The following IK variants were observed in gnomAD, a reference collection of about 807,000 sequenced individuals.
IK encodes the protein IK cytokine, also known as protein Red.
A neutral mutation model predicts 90.9 loss-of-function variants in IK; 47 were observed. The observed-to-expected ratio is 0.52, with a 90% CI of 0.41 to 0.66. The LOEUF (loss-of-function observed/expected upper bound fraction) is 0.66. Among genes scored for constraint, IK ranks in the 30% least tolerant of loss-of-function variants. The pLI is 0.00. For missense variants in IK, 385 were observed against 709.3 expected, an observed-to-expected ratio of 0.54 and a Z score of 5.19; for synonymous variants, 201 against 227.5, an observed-to-expected ratio of 0.88 and a Z score of 1.05.
At chr5:140,658,708 T>C (rs1275262938) in intron 10 of IK, 29 bp from the exon 11 acceptor site, 1 of 1,565,986 alleles carries the variant, frequency 6.4e-7, no homozygotes, top group Non-Finnish European at 8.7e-7. Flanking sequence ...CTGAGGAGTA[T>C]GTTCCTGACT....
Position 140,647,924 on chromosome 5 carries a change from A to G in IK, c.16A>G (p.Ser6Gly), listed in dbSNP as rs905111941. 4.3e-6 allele frequency: 7 copies of G among 1,613,968 alleles called. No homozygotes were observed. In the East Asian group the frequency reaches 1.6e-4, roughly 36 times the overall value. The change falls in exon 1 of 20, where the codon AGT becomes GGT. Residue 6 changes from serine to glycine, a missense_variant and splice_region_variant. Ser to Gly is a moderately conservative substitution (Grantham distance 56, BLOSUM62 0). Coordinates refer to ENST00000417647, the MANE Select transcript of IK (RefSeq NM_006083.4). MPERD[S>G]EPFSNPLAPD... is the part of the protein sequence containing the mutation. ...CGATAACAAAATGCCGGAGCGAGAT[A>G]GTAAGGCTCAGGCCATCCGTTATTT...
At chr5:140,648,381 T>G in intron 1 of IK, 90 bp from the exon 2 acceptor site, 1 of 1,121,158 alleles carries the variant, frequency 8.9e-7, no homozygotes, top group Non-Finnish European at 1.4e-6. Context: ...CTAACTTTTG[T>G]TCTGTATTGT....
At chr5:140,658,636 A>G (rs1757748639) in intron 10 of IK, 101 bp from the exon 11 acceptor site, 2 of 1,025,150 alleles carry the variant, frequency 2.0e-6, no homozygotes, top group African/African-American at 1.6e-5. Context: ...CACGTTTTAA[A>G]CAGAAGATGT....
At chr5:140,657,795 G>A (rs1278602893) in intron 10 of IK, 133 bp downstream of exon 10, 1 of 616,918 alleles carries the variant, frequency 1.6e-6, no homozygotes, top group Non-Finnish European at 2.9e-6. Flanking sequence ...GAGTACTGGA[G>A]CATTGGCAAG....
At chr5:140,649,958 G>C (rs1054054526) in intron 2 of IK, among the ~76,000 whole-genome samples, 4 of 152,120 alleles carry the variant, frequency 2.6e-5, no homozygotes, top group African/African-American at 9.7e-5. Context: ...TTTGCAACTT[G>C]CTTCTTTTTA....
At chr5:140,660,940 T>G in intron 16 of IK, 125 bp downstream of exon 16, 1 of 690,846 alleles carries the variant, frequency 1.4e-6, no homozygotes, top group Admixed American at 2.3e-5. Context: ...GCTGCAGCAG[T>G]AGAAACAGCA....
At chr5:140,650,828 G>A (rs7707326) in intron 2 of IK, among the ~76,000 whole-genome samples, 5 of 152,064 alleles carry the variant, frequency 3.3e-5, no homozygotes, top group Non-Finnish European at 2.9e-5. Context: ...ATCCGCCTGC[G>A]TCAGCCTCCC....
chr5:140,655,614 A>T (rs1252517535), intron 8 of IK, among the ~76,000 whole-genome samples: 1 of 152,260 alleles, frequency 6.6e-6, no homozygotes, highest in Non-Finnish European at 1.5e-5. Context: ...TCCATTACTT[A>T]GTAGATACAT....
chr5:140,657,210 A>G (rs936468463), intron 9 of IK, among the ~76,000 whole-genome samples: 2 of 152,226 alleles, frequency 1.3e-5, no homozygotes, highest in African/African-American at 2.4e-5. Context: ...CTCCAAATAA[A>G]TAAATAAAAT....
At chr5:140,660,378 A>C in intron 15 of IK, 183 bp downstream of exon 15, 1 of 547,212 alleles carries the variant, frequency 1.8e-6, no homozygotes, top group Admixed American at 3.4e-5. Context: ...GCTCGCTGCA[A>C]TCTCCATCTC....
Position 140,661,676 on chromosome 5 carries a change from C to G in IK, c.1470C>G (p.Ser490Arg). ...ACTTTGATACCCAGGAAGAATACAG[C>G]GAGTATATGAACAACAAAGAAGCTT... ...RWDFDTQEEY[S>R]EYMNNKEALP... Residue 490 changes from serine (S) to arginine (R), a missense_variant, in exon 17 of 20, where the codon AGC (serine) becomes AGG (arginine). Ser to Arg is a moderately radical substitution (Grantham distance 110). This residue lies in a region of IK where 23 missense variants were observed against 115.2 expected (regional missense o/e 0.20). Coordinates refer to ENST00000417647, the MANE Select transcript of IK (RefSeq NM_006083.4). The surrounding 1 kb of genome is among the most constrained non-coding windows in gnomAD (Gnocchi z 4.2). The G allele has an allele frequency of 6.2e-7, 1 of 1,609,830 alleles. No individual in the cohort carries two copies. Among genetic ancestry groups the G allele is most frequent in the Non-Finnish European group, 8.5e-7 (1 of 1,178,044 alleles).
At chr5:140,654,444 T>TAA in intron 6 of IK, 72 bp from the exon 7 acceptor site, 6 of 1,131,230 alleles carry the variant, frequency 5.3e-6, no homozygotes, top group Non-Finnish European at 7.8e-6. Flanking sequence ...TAGTTCCTGG[T>TAA]ACAGTGTGGT....
chr5:140,656,030 C>T (rs1433821391), intron 9 of IK, 38 bp downstream of exon 9: 2 of 1,545,776 alleles, frequency 1.3e-6, no homozygotes, highest in Non-Finnish European at 1.7e-6. Context: ...TCATGTGAGC[C>T]TCAAGCCTGG....
Position 140,661,354 on chromosome 5 carries a change from C to T in IK, c.1414-266C>T, listed in dbSNP as rs1242760292. The stretch of plus-strand genomic sequence containing the variant: ...TGCCAAGTTCTTTCACTGTTTATGC[C>T]TCAGTTTCCTCATCAGGAAAATGGA... On this transcript the variant is annotated intron_variant, in intron 16 of 19. Transcript: ENST00000417647. This position sits in a 1 kb window ranked among gnomAD's most constrained non-coding sequence, Gnocchi z 4.2. 6 of 419,100 alleles carry T rather than the reference C, an allele frequency of 1.4e-5. No homozygotes were observed. The highest frequency in any genetic ancestry group is 6.2e-5 in the African/African-American group (3 of 48,678). 26.0% of individuals were successfully genotyped at this position (419,100 alleles called of 1,614,324 possible).
At chr5:140,654,109 G>C in intron 6 of IK, 57 bp downstream of exon 6, 1 of 962,690 alleles carries the variant, frequency 1.0e-6, no homozygotes, top group Non-Finnish European at 1.7e-6. Context: ...CTCTTGTATG[G>C]GTCTGGCAAG....
At chr5:140,656,502 G>A (rs984439708) in intron 9 of IK, among the ~76,000 whole-genome samples, 1 of 150,952 alleles carries the variant, frequency 6.6e-6, no homozygotes, top group African/African-American at 2.4e-5. Context: ...CTATTAAAAA[G>A]GCTTCTAATT....
intron 15 of IK, 159 bp downstream of exon 15, chr5:140,660,354 A>G (rs1250247388): frequency 3.6e-6 from 2 of 561,544 alleles, no homozygotes; most frequent in Admixed American, 3.3e-5. Flanking sequence ...CTGGAATGCA[A>G]TGGTATAATC....
Position 140,658,757 on chromosome 5 carries a change from C to A in IK, c.931C>A (p.Pro311Thr). 6.2e-7 allele frequency: 1 copy of A among 1,611,246 alleles called. No individual in the cohort carries two copies. Among genetic ancestry groups the A allele is most frequent in the South Asian group, 1.1e-5 (1 of 90,496 alleles). ...TTCAGGGAAGCTGGAAGAGAAGAAACCTCCTGAGGCTGACATGAAGTATGT... is the reference window on the plus strand; with the variant it reads ...TTCAGGGAAGCTGGAAGAGAAGAAAACTCCTGAGGCTGACATGAAGTATGT... ...KDKGKLEEKK[P>T]PEADMNIFED... The change falls in exon 11 of 20, where the codon CCT becomes ACT. Residue 311 changes from proline (P) to threonine (T), a missense_variant. By Grantham distance (38) the Pro-to-Thr change is conservative. This residue lies in a region of IK where 139 missense variants were observed against 172.0 expected (regional missense o/e 0.81). Coordinates refer to ENST00000417647, the MANE Select transcript of IK (RefSeq NM_006083.4).
At chr5:140,650,609 T>A (rs1757599169) in intron 2 of IK, among the ~76,000 whole-genome samples, 1 of 152,208 alleles carries the variant, frequency 6.6e-6, no homozygotes, top group Non-Finnish European at 1.5e-5. Flanking sequence ...AGAGTCTTGC[T>A]CTTTTTGCCC....
Sources: allele counts gnomAD v4.1 joint callset (sites outside exome capture counted in the v4.1 genomes callset), GRCh38; gene constraint gnomAD v4.1.1; regional missense constraint gnomAD v4.1.1; non-coding constraint Gnocchi (gnomAD v3.1); transcripts MANE v1.5; gene names NCBI Gene and HGNC (gene_info 2026-07-23, HGNC 2026-07-21).